The following NRCAM variants were observed in gnomAD, a reference collection of about 807,000 sequenced individuals.
NRCAM encodes neuronal cell adhesion molecule, also known as NgCAM-related cell adhesion molecule.
NRCAM carries 83 observed loss-of-function variants against 156.5 expected under a neutral mutation model. The observed-to-expected ratio is 0.53, with a 90% CI of 0.44 to 0.64. The LOEUF is 0.64. NRCAM is among the 30% of genes least tolerant of loss of function. The pLI is 0.00. For synonymous variants in NRCAM, 538 were observed against 563.9 expected (o/e 0.95, Z 0.65); for missense variants, 1,417 against 1,597.3 (o/e 0.89, Z 1.92).
intron 20 of NRCAM, among the ~76,000 whole-genome samples, chr7:108,186,796 A>G (rs1392031572): frequency 6.6e-6 from 1 of 152,214 alleles, no homozygotes; most frequent in Non-Finnish European, 1.5e-5. Flanking sequence ...TCTCTTATAT[A>G]AGTTCTCAAA....
At chr7:108,423,503 C>G (rs545981706) in intron 1 of NRCAM, among the ~76,000 whole-genome samples, 2 of 152,278 alleles carry the variant, frequency 1.3e-5, no homozygotes, top group African/African-American at 4.8e-5. Flanking sequence ...TCAAATATGA[C>G]TATGTGCTTT....
intron 11 of NRCAM, among the ~76,000 whole-genome samples, chr7:108,216,411 A>C (rs1294049708): frequency 2.6e-5 from 4 of 151,982 alleles, no homozygotes; most frequent in Non-Finnish European, 4.4e-5. Flanking sequence ...CTTCTTGAGG[A>C]GTATCTTTGT....
At chr7:108,225,722 T>C in intron 9 of NRCAM, 21 bp from the exon 10 acceptor site, 1 of 1,515,184 alleles carries the variant, frequency 6.6e-7, no homozygotes, top group Non-Finnish European at 9.2e-7. Flanking sequence ...CAGAATATTA[T>C]GAAGAGGGCA....
chr7:108,208,744 A>G (rs1354508583), intron 12 of NRCAM, among the ~76,000 whole-genome samples: 1 of 152,176 alleles, frequency 6.6e-6, no homozygotes, highest in Non-Finnish European at 1.5e-5. Context: ...ATGTTTTCTC[A>G]TGATTACCCT....
chr7:108,170,482 G>C (rs1413585892), intron 28 of NRCAM, among the ~76,000 whole-genome samples: 1 of 152,108 alleles, frequency 6.6e-6, no homozygotes, highest in South Asian at 2.1e-4. Flanking sequence ...TGCCTCCTTC[G>C]GAGAGTCTCA....
chr7:108,168,137 A>C (rs2056010467), intron 29 of NRCAM, 140 bp downstream of exon 29: 2 of 911,480 alleles, frequency 2.2e-6, no homozygotes, highest in Non-Finnish European at 3.0e-6. Flanking sequence ...GGTTCACTAT[A>C]ATTTTTTTAG....
intron 3 of NRCAM, among the ~76,000 whole-genome samples, chr7:108,256,575 ACCCTGCCAAATC>A (rs2096673148): frequency 6.6e-6 from 1 of 151,790 alleles, no homozygotes; most frequent in Admixed American, 6.6e-5. Flanking sequence ...TTGTCCTATG[ACCCTGCCAAATC>A]CCCCTCTCCG....
At chr7:108,156,398 C>A in intron 32 of NRCAM, 1 of 984,476 alleles carries the variant, frequency 1.0e-6, no homozygotes, top group Non-Finnish European at 1.2e-6. Context: ...CTCTTGGTTG[C>A]ATTGTTTCTC....
intron 25 of NRCAM, among the ~76,000 whole-genome samples, chr7:108,179,929 A>G (rs2062588615): frequency 6.6e-6 from 1 of 152,200 alleles, no homozygotes; most frequent in Non-Finnish European, 1.5e-5. Flanking sequence ...AAAGTTAATG[A>G]TCCAAATAAA....
intron 2 of NRCAM, among the ~76,000 whole-genome samples, chr7:108,370,973 G>T (rs1315998862): frequency 6.6e-6 from 1 of 152,090 alleles, no homozygotes; most frequent in African/African-American, 2.4e-5. Flanking sequence ...ACCAGAACTG[G>T]ATTTCTTCTT....
intron 2 of NRCAM, among the ~76,000 whole-genome samples, chr7:108,322,693 T>C (rs1356807532): frequency 6.6e-6 from 1 of 152,154 alleles, no homozygotes. Context: ...CAAAATGGCT[T>C]TGGGAGTCTC....
At chr7:108,249,415 A>G (rs1589948334) in intron 3 of NRCAM, among the ~76,000 whole-genome samples, 1 of 152,250 alleles carries the variant, frequency 6.6e-6, no homozygotes, top group Non-Finnish European at 1.5e-5. Context: ...GTTGTATTAT[A>G]AAGAACTTAA....
chr7:108,177,247 G>A (rs2060888830), intron 26 of NRCAM, among the ~76,000 whole-genome samples: 1 of 152,136 alleles, frequency 6.6e-6, no homozygotes, highest in South Asian at 2.1e-4. Flanking sequence ...GCTAAAAAAA[G>A]TTCATGTCAC....
At chr7:108,334,800 T>C (rs1408485264) in intron 2 of NRCAM, among the ~76,000 whole-genome samples, 1 of 151,968 alleles carries the variant, frequency 6.6e-6, no homozygotes, top group Non-Finnish European at 1.5e-5. Flanking sequence ...GATTTACAAA[T>C]AGAAATAAAA....
chr7:108,438,031 T>TAA (rs572478339), intron 1 of NRCAM, among the ~76,000 whole-genome samples: 25 of 138,690 alleles, frequency 1.8e-4, no homozygotes, highest in African/African-American at 6.3e-4. Context: ...CTATAAGAAG[T>TAA]AAAAAAAAAA....
rs771269438 is a variant in NRCAM, at chr7:108,184,625, C to T, written c.2036-11G>A. The T allele has an allele frequency of 6.3e-7, 1 of 1,578,920 alleles. No homozygotes were observed. Among genetic ancestry groups the T allele is most frequent in the Non-Finnish European group, 8.6e-7 (1 of 1,158,552 alleles). ...ATTCGATGATGAATTCTGGTCACGA[C>T]ACACACACACCAAACCCAAGACCGT... On this transcript the variant is annotated splice_polypyrimidine_tract_variant and intron_variant, in intron 20 of 32. Transcript: ENST00000379028.
At chr7:108,358,219 G>C (rs2099520553) in intron 2 of NRCAM, among the ~76,000 whole-genome samples, 2 of 140,296 alleles carry the variant, frequency 1.4e-5, no homozygotes, top group African/African-American at 5.2e-5. Context: ...AGCAGCCTGG[G>C]CAACATGGTG....
rs1446455494 is a variant in NRCAM, at chr7:108,368,236, C to CCCT, written c.-174+31199_-174+31200insAGG. On this transcript the variant is annotated intron_variant, in intron 2 of 32. Coordinates refer to ENST00000379028, the MANE Select transcript of NRCAM (RefSeq NM_001037132.4). ...ATCACACTTTCATACCCCCCCCCAC[C>CCCT]CCCCCGCCTGCTCACTACTGCTGAA... Among the ~76,000 whole-genome samples, 125 of 125,008 alleles carry CCCT rather than the reference C, an allele frequency of 1.0e-3. 2 individuals carry two copies. Among genetic ancestry groups the CCCT allele is most frequent in the African/African-American group, 3.4e-3 (117 of 34,490 alleles). 82.0% of individuals were successfully genotyped at this position (125,008 alleles called of 152,430 possible). A position where few individuals can be genotyped will look rare whatever the true frequency, so the allele number is the denominator to read the frequency against.
At chr7:108,323,475 C>CA (rs765834348) in intron 2 of NRCAM, among the ~76,000 whole-genome samples, 51 of 152,300 alleles carry the variant, frequency 3.3e-4, no homozygotes, top group Non-Finnish European at 6.2e-4. Context: ...GCTGTGTATT[C>CA]ACCAAATCTC....
Sources: allele counts gnomAD v4.1 joint callset (sites outside exome capture counted in the v4.1 genomes callset), GRCh38; gene constraint gnomAD v4.1.1; transcripts MANE v1.5; gene names NCBI Gene and HGNC (gene_info 2026-07-23, HGNC 2026-07-21).